GABRG2: variants seen among roughly 807,000 people sequenced by gnomAD.
The protein encoded by GABRG2 is gamma-aminobutyric acid type A receptor subunit gamma2.
GABRG2 carries 16 observed loss-of-function variants against 56.4 expected under a neutral mutation model. The observed-to-expected ratio is 0.28, with a 90% CI of 0.19 to 0.43. The LOEUF (loss-of-function observed/expected upper bound fraction) is 0.43, where lower values mean the gene tolerates loss of function less well. Among genes scored for constraint, GABRG2 ranks in the 20% least tolerant of loss-of-function variants. The probability of loss-of-function intolerance (pLI) is 1.00; values close to 1 mark genes in which losing one functional copy is unlikely to be tolerated. For synonymous variants in GABRG2, 208 were observed against 205.5 expected, an observed-to-expected ratio of 1.01 and a Z score of -0.10; for missense variants, 327 against 582.7, an observed-to-expected ratio of 0.56 and a Z score of 4.52.
chr5:162,077,935 G>T (rs1334880972), intron 1 of GABRG2, among the ~76,000 whole-genome samples: 1 of 152,042 alleles, frequency 6.6e-6, no homozygotes, highest in African/African-American at 2.4e-5. Context: ...GAAAGGAGGA[G>T]GGAGGAAGGG....
At chr5:162,084,960 T>TAA (rs796755407) in intron 1 of GABRG2, among the ~76,000 whole-genome samples, 4 of 148,378 alleles carry the variant, frequency 2.7e-5, no homozygotes, top group Non-Finnish European at 4.5e-5. Context: ...TACCATTTGA[T>TAA]AAAAAAAAAA....
intron 6 of GABRG2, among the ~76,000 whole-genome samples, chr5:162,135,681 T>TA (rs1764070589): frequency 6.6e-6 from 1 of 152,168 alleles, no homozygotes; most frequent in Non-Finnish European, 1.5e-5. Flanking sequence ...CATGATGAGA[T>TA]ACATTAATTG....
chr5:162,109,775 G>T (rs188967172), intron 6 of GABRG2, among the ~76,000 whole-genome samples: 66 of 151,890 alleles, frequency 4.3e-4, no homozygotes, highest in African/African-American at 1.5e-3. Context: ...ATGTTGCCAC[G>T]GCCAGCTCAT....
At position 162,101,328 on chromosome 5, in the gene GABRG2, T is replaced by G; in HGVS notation, c.631+11T>G. 1.3e-6 allele frequency: 2 copies of G among 1,558,688 alleles called. No individual in the cohort carries two copies. The highest frequency in any genetic ancestry group is 1.8e-6 in the Non-Finnish European group (2 of 1,130,466). On this transcript the variant is annotated intron_variant, in intron 5 of 9. Transcript: ENST00000639213. The stretch of plus-strand genomic sequence containing the variant: ...TGGAGTTCTCCAGTTGTAAGTAATA[T>G]TCCTTCTCCATTTGTATCCTCCCTC...
At chr5:162,110,374 T>G (rs1269580086) in intron 6 of GABRG2, among the ~76,000 whole-genome samples, 1 of 152,154 alleles carries the variant, frequency 6.6e-6, no homozygotes, top group Non-Finnish European at 1.5e-5. Flanking sequence ...TCTCTGCTCC[T>G]ATTTATTTTA....
intron 7 of GABRG2, chr5:162,142,898 A>AT (rs1295288379): frequency 1.7e-5 from 2 of 114,508 alleles, no homozygotes; most frequent in Non-Finnish European, 3.7e-5. Flanking sequence ...TTAAAGCATA[A>AT]TAAAAAAAAA....
At chr5:162,152,414 T>G in intron 9 of GABRG2, 1 of 460,746 alleles carries the variant, frequency 2.2e-6, no homozygotes, top group Non-Finnish European at 4.3e-6. Context: ...TGCATAGAAA[T>G]TTACCAACTG....
rs778408584 is a variant in GABRG2, at chr5:162,101,280, A to G, written c.594A>G (p.Pro198=). 2 of 1,611,630 alleles carry G rather than the reference A, an allele frequency of 1.2e-6. No homozygotes were observed. Among genetic ancestry groups the G allele is most frequent in the African/African-American group, 1.3e-5 (1 of 74,900 alleles). Residue 198 remains proline (P), a synonymous_variant, in exon 5 of 10, where the codon CCA becomes CCG. Coordinates refer to ENST00000639213, the MANE Select transcript of GABRG2 (RefSeq NM_198904.4). ...GCCAATTACAATTGCACAACTTTCC[A>G]ATGGATGAACACTCCTGCCCCTTGG... is the stretch of plus-strand genomic sequence containing the variant. ...AECQLQLHNF[P]MDEHSCPLEF... is the part of the protein sequence containing the mutation.
intron 1 of GABRG2, among the ~76,000 whole-genome samples, chr5:162,072,522 A>G (rs77575706): frequency 0.015 from 2,268 of 152,178 alleles, 53 homozygotes; most frequent in African/African-American, 0.052. Context: ...AATATTCCAG[A>G]TGTGATACTT....
chr5:162,106,280 A>G (rs1167951903), intron 6 of GABRG2, among the ~76,000 whole-genome samples: 2 of 152,080 alleles, frequency 1.3e-5, no homozygotes, highest in African/African-American at 4.8e-5. Flanking sequence ...AACTGATCTC[A>G]TCAACTCCTT....
At chr5:162,112,350 C>G (rs1451790832) in intron 6 of GABRG2, among the ~76,000 whole-genome samples, 1 of 151,724 alleles carries the variant, frequency 6.6e-6, no homozygotes, top group Non-Finnish European at 1.5e-5. Flanking sequence ...ATCAGTGTGA[C>G]TGATATAACT....
intron 5 of GABRG2, chr5:162,102,500 TATC>T (rs1235606421): frequency 2.2e-6 from 1 of 454,156 alleles, no homozygotes; most frequent in Non-Finnish European, 4.4e-6. Flanking sequence ...CTCTGCCTCA[TATC>T]ATCATTTTTG....
chr5:162,081,817 T>A (rs1469185135), intron 1 of GABRG2, among the ~76,000 whole-genome samples: 1 of 152,098 alleles, frequency 6.6e-6, no homozygotes, highest in East Asian at 1.9e-4. Flanking sequence ...CTAGTATGAA[T>A]GAAAATGGTA....
chr5:162,088,331 AC>A (rs1239646284), intron 1 of GABRG2, among the ~76,000 whole-genome samples: 2 of 152,110 alleles, frequency 1.3e-5, no homozygotes, highest in East Asian at 3.9e-4. Flanking sequence ...ACCAAAGCCC[AC>A]CTTTTGCAGT....
intron 5 of GABRG2, 146 bp from the exon 6 acceptor site, chr5:162,103,743 A>G (rs917463383): frequency 2.8e-5 from 23 of 831,970 alleles, no homozygotes; most frequent in Admixed American, 1.9e-4. Context: ...TTATGTTCTC[A>G]TTGCAATGCC....
chr5:162,115,776 T>C (rs879514849), intron 6 of GABRG2, among the ~76,000 whole-genome samples: 2 of 152,108 alleles, frequency 1.3e-5, no homozygotes, highest in Non-Finnish European at 2.9e-5. Flanking sequence ...ATTGTATAAA[T>C]TGGCTGAACT....
intron 1 of GABRG2, 52 bp downstream of exon 1, chr5:162,068,158 G>T: frequency 3.1e-6 from 4 of 1,287,790 alleles, no homozygotes; most frequent in Non-Finnish European, 4.5e-6. Flanking sequence ...TGGGGGGAAG[G>T]TGTGGGGAGG....
At chr5:162,079,242 C>A (rs969412193) in intron 1 of GABRG2, among the ~76,000 whole-genome samples, 1 of 152,038 alleles carries the variant, frequency 6.6e-6, no homozygotes, top group Non-Finnish European at 1.5e-5. Flanking sequence ...GATGACCAAG[C>A]ATCACAGTAA....
intron 5 of GABRG2, chr5:162,102,525 GTTGTTTTGTT>G (rs1247520830): frequency 6.6e-6 from 3 of 453,748 alleles, no homozygotes; most frequent in African/African-American, 2.0e-5. Flanking sequence ...TGTTGTTGTT[GTTGTTTTGTT>G]TTGTTTTGTT....
Sources: allele counts gnomAD v4.1 joint callset (sites outside exome capture counted in the v4.1 genomes callset), GRCh38; gene constraint gnomAD v4.1.1; transcripts MANE v1.5; gene names NCBI Gene and HGNC (gene_info 2026-07-23, HGNC 2026-07-21).